The following PARN variants were observed in gnomAD, a reference collection of about 807,000 sequenced individuals.
PARN encodes the protein poly(A)-specific ribonuclease PARN.
A neutral mutation model predicts 102.8 loss-of-function variants in PARN; 71 were observed. That is an observed-to-expected ratio of 0.69 (90% confidence interval 0.57 to 0.84). The LOEUF is 0.84. PARN is among the 40% of genes least tolerant of loss of function. The pLI, the probability that PARN is intolerant of heterozygous loss-of-function variation, is 0.00. For synonymous variants in PARN, 261 were observed against 252.9 expected, an observed-to-expected ratio of 1.03 and a Z score of -0.30; for missense variants, 782 against 760.9, an observed-to-expected ratio of 1.03 and a Z score of -0.33.
chr16:14,463,415 A>G (rs935418453), intron 22 of PARN, among the ~76,000 whole-genome samples: 2 of 152,196 alleles, frequency 1.3e-5, no homozygotes, highest in African/African-American at 4.8e-5. Context: ...AAAAGAAAAA[A>G]GTAAAATAAC....
At chr16:14,542,110 T>C (rs1373277043) in intron 21 of PARN, among the ~76,000 whole-genome samples, 1 of 151,946 alleles carries the variant, frequency 6.6e-6, no homozygotes, top group Non-Finnish European at 1.5e-5. Flanking sequence ...GCTCAGGGGA[T>C]CCTCTCACCT....
chr16:14,480,944 T>A (rs1195921279), intron 22 of PARN, among the ~76,000 whole-genome samples: 5 of 150,410 alleles, frequency 3.3e-5, no homozygotes, highest in Non-Finnish European at 5.9e-5. Context: ...CCTCAAAAAA[T>A]AAATAAATAA....
intron 23 of PARN, among the ~76,000 whole-genome samples, chr16:14,441,710 G>C (rs757525511): frequency 6.6e-6 from 1 of 152,182 alleles, no homozygotes; most frequent in Admixed American, 6.5e-5. Context: ...CACCTCCTTC[G>C]CCACGTTCAC....
intron 22 of PARN, among the ~76,000 whole-genome samples, chr16:14,477,437 C>T (rs1963124138): frequency 7.3e-6 from 1 of 137,312 alleles, no homozygotes; most frequent in South Asian, 2.3e-4. Flanking sequence ...GAGAGTTCGT[C>T]TCAAAAAAAA....
At chr16:14,542,287 T>G (rs1363719665) in intron 21 of PARN, among the ~76,000 whole-genome samples, 3 of 151,764 alleles carry the variant, frequency 2.0e-5, no homozygotes, top group Non-Finnish European at 4.4e-5. Context: ...ATTACAGTCA[T>G]GAGCCAACAC....
At chr16:14,483,913 C>T (rs979212062) in intron 21 of PARN, among the ~76,000 whole-genome samples, 1 of 152,144 alleles carries the variant, frequency 6.6e-6, no homozygotes, top group African/African-American at 2.4e-5. Context: ...TCTTCAGTGA[C>T]GATTTCTGAG....
rs777207121 is a variant in PARN at position 14,599,900 on chromosome 16, T to C, written c.840+4A>G. ...AATCTTGCTAAAAAGTCTGGCTCACTTACCGAATTAGCAATGGCGTGAATG... is the reference window on the plus strand; with the variant it reads ...AATCTTGCTAAAAAGTCTGGCTCACCTACCGAATTAGCAATGGCGTGAATG... On this transcript the variant is annotated splice_donor_region_variant and intron_variant, in intron 12 of 23. Coordinates refer to ENST00000437198, the MANE Select transcript of PARN (RefSeq NM_002582.4). 31 of 1,592,766 alleles carry C rather than the reference T, an allele frequency of 1.9e-5. No individual in the cohort carries two copies. The South Asian group carries it at 3.5e-4, about 18-fold the overall frequency.
At chr16:14,541,836 C>A (rs1458860499) in intron 21 of PARN, among the ~76,000 whole-genome samples, 1 of 152,106 alleles carries the variant, frequency 6.6e-6, no homozygotes, top group African/African-American at 2.4e-5. Context: ...GTAACTAAAT[C>A]CAGAGTCTCC....
chr16:14,628,056 G>A, intron 3 of PARN, 116 bp downstream of exon 3: 1 of 704,336 alleles, frequency 1.4e-6, no homozygotes, highest in Non-Finnish European at 2.5e-6. Flanking sequence ...CTAGGTTTGA[G>A]GAGAAAATAC....
chr16:14,572,752 C>T (rs894669172), intron 18 of PARN, among the ~76,000 whole-genome samples: 5 of 152,246 alleles, frequency 3.3e-5, no homozygotes, highest in African/African-American at 1.2e-4. Flanking sequence ...AGACACTTCA[C>T]ATTTGTTGCT....
At position 14,624,875 on chromosome 16, in the gene PARN, A is replaced by C. The variant is rs1972545396; in HGVS notation, c.327+2231T>G. 2.0e-5 allele frequency among the ~76,000 whole-genome samples: 3 copies of C among 152,048 alleles called. No individual in the cohort carries two copies. In the South Asian group the frequency reaches 6.2e-4, roughly 32 times the overall value. ...AAGACCAGCCTGACCAACATGGAAA[A>C]ACCCTATCTCTACTAAAAATATAAA... On this transcript the variant is annotated intron_variant, in intron 5 of 23. Transcript: ENST00000437198.
intron 21 of PARN, among the ~76,000 whole-genome samples, chr16:14,523,598 T>A (rs1208980635): frequency 1.3e-5 from 2 of 152,198 alleles, no homozygotes; most frequent in Non-Finnish European, 2.9e-5. Flanking sequence ...GACCTAAAAT[T>A]AATACTGTAC....
chr16:14,501,179 C>T (rs1360972770), intron 21 of PARN, among the ~76,000 whole-genome samples: 1 of 151,018 alleles, frequency 6.6e-6, no homozygotes, highest in African/African-American at 2.4e-5. Context: ...CAGTGGCTCA[C>T]GTCTGTATCT....
chr16:14,490,871 G>A (rs1290491008), intron 21 of PARN, among the ~76,000 whole-genome samples: 16 of 152,172 alleles, frequency 1.1e-4, no homozygotes, highest in Admixed American at 1.0e-3. Flanking sequence ...TAAGAGAATG[G>A]AGGGTTTTAT....
At chr16:14,482,110 T>A (rs916197616) in intron 22 of PARN, among the ~76,000 whole-genome samples, 6 of 152,146 alleles carry the variant, frequency 3.9e-5, no homozygotes, top group Non-Finnish European at 8.8e-5. Context: ...GTAAGACATA[T>A]CCTGGGCCAG....
intron 21 of PARN, among the ~76,000 whole-genome samples, chr16:14,514,336 C>T (rs1197819978): frequency 6.6e-6 from 1 of 152,128 alleles, no homozygotes; most frequent in Non-Finnish European, 1.5e-5. Flanking sequence ...AGGTGCCCAC[C>T]ACCATGCCTG....
Position 14,610,620 on chromosome 16 carries a change from C to T in PARN, c.554+24G>A, listed in dbSNP as rs372497489. On this transcript the variant is annotated intron_variant, in intron 7 of 23. Coordinates refer to ENST00000437198, the MANE Select transcript of PARN (RefSeq NM_002582.4). ...CCCAATATATAGCACACAATGCACG[C>T]TTAGTTTTAATTTAGGAACTTACAC... The T allele has an allele frequency of 1.0e-4, 156 of 1,495,306 alleles. No individual in the cohort carries two copies. In the African/African-American group the frequency reaches 1.8e-3, roughly 17 times the overall value. The allele number at this position is 1,495,306 out of a possible 1,614,324, so 92.6% of individuals were successfully genotyped here. A position where few individuals can be genotyped will look rare whatever the true frequency, so the allele number is the denominator to read the frequency against.
intron 23 of PARN, among the ~76,000 whole-genome samples, chr16:14,442,791 A>G (rs1434431343): frequency 3.9e-5 from 6 of 152,176 alleles, no homozygotes; most frequent in African/African-American, 1.4e-4. Flanking sequence ...TATTTTTAGT[A>G]GAGACAGGGT....
intron 21 of PARN, among the ~76,000 whole-genome samples, chr16:14,491,679 G>GGA (rs1382718786): frequency 6.6e-6 from 1 of 152,074 alleles, no homozygotes; most frequent in Non-Finnish European, 1.5e-5. Context: ...GGCTGAAGTG[G>GGA]GAGGATCACT....
Sources: gnomAD v4.1 joint callset for allele counts (sites outside exome capture counted in the v4.1 genomes callset) on GRCh38, gnomAD v4.1.1 for gene constraint, MANE v1.5 for transcripts, NCBI Gene and HGNC (gene_info 2026-07-23, HGNC 2026-07-21) for gene names.